The following CNTN6 variants were observed in gnomAD, a reference collection of about 807,000 sequenced individuals.
CNTN6 encodes the protein contactin-6.
In CNTN6, 137 loss-of-function variants were observed where a neutral mutation model predicts 122.8. That is an observed-to-expected ratio of 1.12 (90% CI 0.97 to 1.29). The LOEUF (loss-of-function observed/expected upper bound fraction) is 1.29, where lower values mean the gene tolerates loss of function less well. CNTN6 is among the 50% of genes most tolerant of loss of function. The pLI is 0.00. For synonymous variants in CNTN6, 570 were observed against 426.0 expected (o/e 1.34, Z -4.16); for missense variants, 1,634 against 1,223.4 (o/e 1.34, Z -5.01).
At chr3:1,220,626 A>G in intron 2 of CNTN6, 61 bp from the exon 3 acceptor site, 9 of 1,412,958 alleles carry the variant, frequency 6.4e-6, no homozygotes, top group Non-Finnish European at 8.6e-6. Flanking sequence ...TATTTAATAT[A>G]GACTTGCATT....
intron 2 of CNTN6, among the ~76,000 whole-genome samples, chr3:1,166,662 G>C (rs2093255962): frequency 6.6e-6 from 1 of 152,094 alleles, no homozygotes; most frequent in Non-Finnish European, 1.5e-5. Flanking sequence ...CGCAATTAAA[G>C]ACACCTGTGG....
At chr3:1,138,778 C>G (rs993216766) in intron 1 of CNTN6, among the ~76,000 whole-genome samples, 1 of 149,558 alleles carries the variant, frequency 6.7e-6, no homozygotes, top group Non-Finnish European at 1.5e-5. Flanking sequence ...TATGAAGAAG[C>G]AAAAACACTG....
At chr3:1,126,847 GAAGAA>G (rs1398636081) in intron 1 of CNTN6, among the ~76,000 whole-genome samples, 1 of 151,766 alleles carries the variant, frequency 6.6e-6, no homozygotes, top group Admixed American at 6.6e-5. Context: ...CTACATGATT[GAAGAA>G]AAGATAGAAA....
chr3:1,264,726 C>T (rs780095056), intron 4 of CNTN6, among the ~76,000 whole-genome samples: 3 of 151,826 alleles, frequency 2.0e-5, no homozygotes, highest in Non-Finnish European at 4.4e-5. Context: ...CATTTAAAAT[C>T]TACTCTTCTA....
chr3:1,385,642 C>A lies in CNTN6; in HGVS notation c.2549C>A (p.Ser850Tyr), dbSNP rs1037839968. ...TACTGGACAGATGACTCCAAAGAAT[C>A]CATGATAGGTAAAATTAGAGTCAGT... ...VLYWTDDSKE[S>Y]MIGKIRVSGN... The change falls in exon 20 of 23, where the codon TCC becomes TAC. Residue 850 changes from serine (S) to tyrosine (Y), a missense_variant. By Grantham distance (144) the Ser-to-Tyr change is moderately radical (BLOSUM62 -2). Transcript: ENST00000446702. 2 of 1,613,884 alleles carry A rather than the reference C, an allele frequency of 1.2e-6. No homozygotes were observed. The highest frequency in any genetic ancestry group is 1.7e-6 in the Non-Finnish European group (2 of 1,179,832).
At chr3:1,120,071 A>G (rs947525550) in intron 1 of CNTN6, among the ~76,000 whole-genome samples, 6 of 151,776 alleles carry the variant, frequency 4.0e-5, no homozygotes, top group Middle Eastern at 3.2e-3. Context: ...TTTCCTTTTT[A>G]TTGCTGAGTA....
intron 20 of CNTN6, among the ~76,000 whole-genome samples, chr3:1,388,415 T>C (rs1264931913): frequency 6.6e-6 from 1 of 150,514 alleles, no homozygotes; most frequent in Non-Finnish European, 1.5e-5. Context: ...CATCTGTACA[T>C]CACCATCATC....
Position 1,297,925 on chromosome 3 carries a change from G to T in CNTN6, c.695G>T (p.Arg232Leu). The T allele has an allele frequency of 1.2e-6, 2 of 1,612,750 alleles. No individual in the cohort carries two copies. Among genetic ancestry groups the T allele is most frequent in the East Asian group, 2.2e-5 (1 of 44,808 alleles). Reference protein sequence around the residue: ...MGEYEPKIEVRFPETIQAAKD... With the variant: ...MGEYEPKIEVLFPETIQAAKD... Reference sequence around the variant, plus strand: ...GAATATGAACCAAAGATTGAAGTGCGTTTTCCTGAAACTATACAAGCTGCA... The same window carrying T: ...GAATATGAACCAAAGATTGAAGTGCTTTTTCCTGAAACTATACAAGCTGCA... Residue 232 changes from arginine (R) to leucine (L), a missense_variant, in exon 7 of 23, where the codon CGT becomes CTT. Coordinates refer to ENST00000446702, the MANE Select transcript of CNTN6 (RefSeq NM_001289080.2).
At chr3:1,319,646 A>G (rs1242809906) in intron 7 of CNTN6, among the ~76,000 whole-genome samples, 1 of 151,508 alleles carries the variant, frequency 6.6e-6, no homozygotes, top group Non-Finnish European at 1.5e-5. Flanking sequence ...TCAATTGGAT[A>G]CTTTGCATGT....
intron 12 of CNTN6, among the ~76,000 whole-genome samples, chr3:1,366,542 A>C (rs1365219688): frequency 6.6e-6 from 1 of 152,160 alleles, no homozygotes; most frequent in Non-Finnish European, 1.5e-5. Context: ...ATGAGGAATT[A>C]ATGGACTGAA....
chr3:1,138,316 T>C (rs2092531174), intron 1 of CNTN6, among the ~76,000 whole-genome samples: 1 of 152,076 alleles, frequency 6.6e-6, no homozygotes, highest in African/African-American at 2.4e-5. Context: ...ACATTGAATA[T>C]TGGTCCAACT....
At chr3:1,104,358 G>C (rs1207355913) in intron 1 of CNTN6, among the ~76,000 whole-genome samples, 1 of 152,082 alleles carries the variant, frequency 6.6e-6, no homozygotes, top group Non-Finnish European at 1.5e-5. Flanking sequence ...TTTTTATAGA[G>C]AGTGAGATAT....
intron 1 of CNTN6, among the ~76,000 whole-genome samples, chr3:1,147,208 G>C (rs1559397288): frequency 6.6e-6 from 1 of 151,922 alleles, no homozygotes; most frequent in East Asian, 1.9e-4. Context: ...ATATATAATA[G>C]TTTTATCAAA....
intron 20 of CNTN6, among the ~76,000 whole-genome samples, chr3:1,386,760 A>AAGACT (rs1193748636): frequency 3.5e-4 from 53 of 151,984 alleles, no homozygotes; most frequent in African/African-American, 1.1e-3. Flanking sequence ...AATTTTGAGA[A>AAGACT]AGACTAAGAC....
At chr3:1,268,595 A>G (rs564523845) in intron 4 of CNTN6, among the ~76,000 whole-genome samples, 123 of 118,908 alleles carry the variant, frequency 1.0e-3, no homozygotes, top group African/African-American at 4.7e-3. Flanking sequence ...CGACAGAGCG[A>G]GACTCCGTCT....
rs529884533 is a variant in CNTN6 at position 1,130,895 on chromosome 3, C to T, written c.-82-17032C>T. Among the ~76,000 whole-genome samples the T allele has an allele frequency of 2.4e-4, 37 of 152,182 alleles. No individual in the cohort carries two copies. In the South Asian group the frequency reaches 6.6e-3, roughly 27 times the overall value. On this transcript the variant is annotated intron_variant, in intron 1 of 22. Transcript: ENST00000446702. Reference sequence around the variant, plus strand: ...ATTCAACTAAGTGTTGCAAGAAGTCCATCATTTATAAATTAAGATGGAACT... The same window carrying T: ...ATTCAACTAAGTGTTGCAAGAAGTCTATCATTTATAAATTAAGATGGAACT...
intron 4 of CNTN6, among the ~76,000 whole-genome samples, chr3:1,259,698 T>C (rs544359741): frequency 1.6e-4 from 25 of 152,242 alleles, no homozygotes; most frequent in African/African-American, 5.5e-4. Flanking sequence ...CATGTTACAT[T>C]CTGAGCCTTA....
chr3:1,395,685 A>T (rs1048246873), intron 20 of CNTN6, among the ~76,000 whole-genome samples: 1 of 152,164 alleles, frequency 6.6e-6, no homozygotes, highest in Non-Finnish European at 1.5e-5. Flanking sequence ...CCTTTTCCAT[A>T]TAAAGTAATG....
chr3:1,234,794 A>G (rs1438127866), intron 4 of CNTN6, among the ~76,000 whole-genome samples: 1 of 152,198 alleles, frequency 6.6e-6, no homozygotes, highest in East Asian at 1.9e-4. Flanking sequence ...TTTCAGTATC[A>G]TTTGCAAATA....
Sources: allele counts gnomAD v4.1 joint callset (sites outside exome capture counted in the v4.1 genomes callset), GRCh38; gene constraint gnomAD v4.1.1; transcripts MANE v1.5; gene names NCBI Gene and HGNC (gene_info 2026-07-23, HGNC 2026-07-21).